The following MORF4L1 variants were observed in gnomAD, a reference collection of about 807,000 sequenced individuals.
MORF4L1 encodes mortality factor 4-like protein 1.
A neutral mutation model predicts 52.9 loss-of-function variants in MORF4L1; 4 were observed. That is an observed-to-expected ratio of 0.08 (90% CI 0.04 to 0.17). The LOEUF is 0.17. Among genes scored for constraint, MORF4L1 ranks in the 10% least tolerant of loss-of-function variants. The probability of loss-of-function intolerance (pLI) is 1.00; values close to 1 mark genes in which losing one functional copy is unlikely to be tolerated. For missense variants in MORF4L1, 214 were observed against 390.4 expected, an observed-to-expected ratio of 0.55 and a Z score of 3.81; for synonymous variants, 123 against 134.8, an observed-to-expected ratio of 0.91 and a Z score of 0.61.
intron 3 of MORF4L1, among the ~76,000 whole-genome samples, chr15:78,883,631 A>T (rs919122319): frequency 2.0e-5 from 3 of 152,234 alleles, no homozygotes; most frequent in Admixed American, 2.0e-4. Flanking sequence ...AAAGTTAAGA[A>T]AAAATAGCAT....
At chr15:78,893,738 C>T (rs758889576) in intron 9 of MORF4L1, 111 bp downstream of exon 9, 86 of 742,214 alleles carry the variant, frequency 1.2e-4, no homozygotes, top group Non-Finnish European at 1.8e-4. Flanking sequence ...CAGAAACTAG[C>T]AAAATAGAAT....
intron 4 of MORF4L1, 131 bp from the exon 5 acceptor site, chr15:78,887,138 A>G: frequency 2.8e-6 from 2 of 706,208 alleles, no homozygotes; most frequent in Non-Finnish European, 4.9e-6. Flanking sequence ...TTTTGTGGAA[A>G]TATCTCTGTC....
intron 1 of MORF4L1, among the ~76,000 whole-genome samples, chr15:78,875,182 G>C (rs2056461856): frequency 6.6e-6 from 1 of 152,140 alleles, no homozygotes; most frequent in Non-Finnish European, 1.5e-5. Flanking sequence ...TATTAGGCTC[G>C]TAGGGTTTAT....
chr15:78,888,450 GA>G (rs200295595), intron 5 of MORF4L1, among the ~76,000 whole-genome samples: 6,332 of 136,542 alleles, frequency 0.046, 587 homozygotes, highest in East Asian at 0.39. Flanking sequence ...CTTTTAAAAA[GA>G]AAAAAAAAAA....
At chr15:78,894,607 C>T (rs1001239439) in intron 10 of MORF4L1, 8 of 513,222 alleles carry the variant, frequency 1.6e-5, no homozygotes, top group African/African-American at 7.7e-5. Flanking sequence ...TGGGGTTTCA[C>T]CACGTTCGCC....
chr15:78,879,679 T>G (rs2141461017), intron 2 of MORF4L1, among the ~76,000 whole-genome samples: 1 of 152,044 alleles, frequency 6.6e-6, no homozygotes, highest in South Asian at 2.1e-4. Flanking sequence ...CGTACAAGCC[T>G]GTAATCCCAG....
Position 78,897,018 on chromosome 15 carries a change from C to G in MORF4L1, c.923C>G (p.Ala308Gly), listed in dbSNP as rs766729686. ...AAGAATTCTGCAACTTTGTTCAGTG[C>G]CAGCGATTATGAAGTGGCTCCTCCT... is the stretch of plus-strand genomic sequence containing the variant. ...LAKNSATLFS[A>G]SDYEVAPPEY... The change falls in exon 12 of 12, where the codon GCC becomes GGC. Residue 308 changes from alanine (A) to glycine (G), a missense_variant. Physicochemically the swap from Ala to Gly is moderately conservative, Grantham distance 60. This residue lies in a region of MORF4L1 where 30 missense variants were observed against 34.6 expected (regional missense o/e 0.87). Coordinates refer to ENST00000426013, the MANE Select transcript of MORF4L1 (RefSeq NM_006791.4). The G allele has an allele frequency of 6.2e-7, 1 of 1,612,830 alleles. No homozygotes were observed. Among genetic ancestry groups the G allele is most frequent in the East Asian group, 2.2e-5 (1 of 44,830 alleles).
At chr15:78,873,262 G>A (rs1596234529) in intron 1 of MORF4L1, 2 of 1,482,570 alleles carry the variant, frequency 1.3e-6, no homozygotes, top group Admixed American at 2.7e-5. Context: ...AGAGTGCTGC[G>A]CAGGCGTTAG....
chr15:78,877,042 C>T (rs1309814034), intron 1 of MORF4L1, among the ~76,000 whole-genome samples: 1 of 149,060 alleles, frequency 6.7e-6, no homozygotes, highest in Non-Finnish European at 1.5e-5. Flanking sequence ...TGGGTTCAAG[C>T]GATTCTCATG....
intron 3 of MORF4L1, chr15:78,884,889 AAATG>A (rs1467200678): frequency 6.2e-6 from 6 of 966,098 alleles, no homozygotes; most frequent in Non-Finnish European, 9.1e-6. Flanking sequence ...CTCCATTTGT[AAATG>A]AATCTTAATA....
intron 3 of MORF4L1, among the ~76,000 whole-genome samples, chr15:78,882,726 A>C (rs1331838025): frequency 6.6e-6 from 1 of 152,176 alleles, no homozygotes; most frequent in Non-Finnish European, 1.5e-5. Context: ...ATCAAAAAAA[A>C]ACACAAAGCA....
intron 9 of MORF4L1, among the ~76,000 whole-genome samples, 156 bp from the exon 10 acceptor site, chr15:78,893,902 A>G (rs2056841092): frequency 1.3e-5 from 2 of 152,202 alleles, no homozygotes; most frequent in Non-Finnish European, 2.9e-5. Context: ...TAATTGCTTT[A>G]GTTTGTCAAA....
At chr15:78,876,521 A>G (rs2056494964) in intron 1 of MORF4L1, 1 of 455,758 alleles carries the variant, frequency 2.2e-6, no homozygotes, top group South Asian at 1.5e-5. Flanking sequence ...GCTAGAATGG[A>G]GGTCACAGGG....
chr15:78,878,458 C>G (rs190023664), intron 2 of MORF4L1, among the ~76,000 whole-genome samples, 199 bp downstream of exon 2: 3 of 152,264 alleles, frequency 2.0e-5, no homozygotes. Context: ...CATTGCTACT[C>G]TCTTCCACTT....
rs747064892 is a variant in MORF4L1 at position 78,890,968 on chromosome 15, CT to C, written c.324-13del. 38 of 1,434,772 alleles carry C rather than the reference CT, an allele frequency of 2.6e-5. No homozygotes were observed. The highest frequency in any genetic ancestry group is 5.1e-5 in the Admixed American group (2 of 39,508). The allele number at this position is 1,434,772 out of a possible 1,614,324, so 88.9% of individuals were successfully genotyped here. A position where few individuals can be genotyped will look rare whatever the true frequency, so the allele number is the denominator to read the frequency against. ...AGTTTTACTGGAAATAATTATTTTT[CT>C]TTTTTTTCTCTCCTTTTAGGAAAAC... On this transcript the variant is annotated intron_variant, in intron 5 of 11. Transcript: ENST00000426013.
chr15:78,874,111 TATA>T (rs2056430851), intron 1 of MORF4L1, among the ~76,000 whole-genome samples: 1 of 144,300 alleles, frequency 6.9e-6, no homozygotes, highest in Non-Finnish European at 1.5e-5. Flanking sequence ...TCAGTTAACG[TATA>T]ATAAGGTGGA....
chr15:78,892,111 T>A, intron 7 of MORF4L1, 101 bp from the exon 8 acceptor site: 1 of 692,310 alleles, frequency 1.4e-6, no homozygotes, highest in Non-Finnish European at 2.5e-6. Flanking sequence ...GCTTGGCTAC[T>A]TTAAGATTTA....
At position 78,872,957 on chromosome 15, in the gene MORF4L1, G is replaced by T. The variant is rs561761960; in HGVS notation, c.-61G>T. ...GTCTGACGCGGAGTTGGGTGGGGTAGAGAGTAGGGGGCGGTAGTCGGGGGT... is the reference window on the plus strand; with the variant it reads ...GTCTGACGCGGAGTTGGGTGGGGTATAGAGTAGGGGGCGGTAGTCGGGGGT... On this transcript the variant is annotated 5_prime_UTR_variant, in exon 1 of 12. Transcript: ENST00000426013. The T allele has an allele frequency of 1.5e-5, 23 of 1,538,470 alleles. No individual in the cohort carries two copies. Among genetic ancestry groups the T allele is most frequent in the Non-Finnish European group, 1.9e-5 (22 of 1,142,464 alleles).
intron 3 of MORF4L1, among the ~76,000 whole-genome samples, chr15:78,885,727 C>T (rs1239068166): frequency 2.6e-5 from 4 of 152,128 alleles, no homozygotes; most frequent in Non-Finnish European, 4.4e-5. Context: ...AATGAAAACA[C>T]AAAGCTATAT....
Sources: gnomAD v4.1 joint callset for allele counts (sites outside exome capture counted in the v4.1 genomes callset) on GRCh38, gnomAD v4.1.1 for gene constraint, gnomAD v4.1.1 regional missense constraint, MANE v1.5 for transcripts, NCBI Gene and HGNC (gene_info 2026-07-23, HGNC 2026-07-21) for gene names.